The following PCDHA11 variants were observed in gnomAD, a reference collection of about 807,000 sequenced individuals.
PCDHA11 encodes the protein protocadherin alpha 11.
PCDHA11 carries 61 observed loss-of-function variants against 70.3 expected under a neutral mutation model. The ratio of observed to expected loss-of-function variants is 0.87; its 90% CI spans 0.71 to 1.07. The LOEUF is 1.07. Among genes scored for constraint, PCDHA11 ranks in the 50% least tolerant of loss-of-function variants. PCDHA11 has a pLI of 0.00. For missense variants in PCDHA11, 1,324 were observed against 1,237.5 expected (o/e 1.07, Z -1.05); for synonymous variants, 633 against 555.1 (o/e 1.14, Z -1.97).
At position 140,871,198 on chromosome 5, in the gene PCDHA11, C is replaced by A; in HGVS notation, c.2095C>A (p.Leu699Met). 6.2e-7 allele frequency: 1 copy of A among 1,613,730 alleles called. No individual in the cohort carries two copies. The highest frequency in any genetic ancestry group is 8.5e-7 in the Non-Finnish European group (1 of 1,179,946). The change falls in exon 1 of 4, where the codon CTG becomes ATG. Residue 699 changes from leucine (L) to methionine (M), a missense_variant. Coordinates refer to ENST00000398640, the MANE Select transcript of PCDHA11 (RefSeq NM_018902.5). ...TGCGCTGGTGGATGTCAACGTGTACCTGATCATCGCCATCTGCGTGGTGTC... is the reference window on the plus strand; with the variant it reads ...TGCGCTGGTGGATGTCAACGTGTACATGATCATCGCCATCTGCGTGGTGTC... ...EAALVDVNVY[L>M]IIAICVVSSL...
intron 3 of PCDHA11, among the ~76,000 whole-genome samples, chr5:140,988,691 G>A (rs1205492528): frequency 6.6e-6 from 1 of 152,114 alleles, no homozygotes; most frequent in African/African-American, 2.4e-5. Context: ...TTCCCTAGAC[G>A]CTCTGTATTT....
rs139314570 is a variant in PCDHA11, at chr5:140,952,780, A to G, written c.2392-26169A>G. 2.0e-3 allele frequency among the ~76,000 whole-genome samples: 310 copies of G among 152,316 alleles called. 3 individuals are homozygous for G. The highest frequency in any genetic ancestry group is 7.3e-3 in the African/African-American group (302 of 41,572). On this transcript the variant is annotated intron_variant, in intron 1 of 3. Transcript: ENST00000398640. ...CTGAGACTGGATAATTTAGAAAGAA[A>G]AGAGGTTTAACTGGCTCGCAGTTCT... is the stretch of plus-strand genomic sequence containing the variant.
intron 1 of PCDHA11, among the ~76,000 whole-genome samples, chr5:140,917,726 G>A (rs1192405804): frequency 6.6e-6 from 1 of 152,114 alleles, no homozygotes; most frequent in Admixed American, 6.6e-5. Flanking sequence ...TTATTTCTGG[G>A]TTCTCTAACC....
chr5:140,942,944 T>C (rs368380576), intron 1 of PCDHA11, among the ~76,000 whole-genome samples: 1 of 151,862 alleles, frequency 6.6e-6, no homozygotes, highest in African/African-American at 2.4e-5. Context: ...GTTTAAAGTG[T>C]AGACGTTCTG....
chr5:140,883,090 T>A (rs550322124), intron 1 of PCDHA11: 1 of 1,614,020 alleles, frequency 6.2e-7, no homozygotes, highest in East Asian at 2.2e-5. Flanking sequence ...ATGGTACAAA[T>A]GGAGATATAG....
intron 1 of PCDHA11, among the ~76,000 whole-genome samples, chr5:140,948,132 C>G (rs1397250622): frequency 1.3e-5 from 2 of 151,526 alleles, no homozygotes; most frequent in African/African-American, 4.8e-5. Context: ...TTGGATTACA[C>G]TAATTGATTT....
intron 1 of PCDHA11, among the ~76,000 whole-genome samples, chr5:140,874,110 C>T (rs115562650): frequency 0.024 from 3,605 of 152,160 alleles, 51 homozygotes; most frequent in Middle Eastern, 0.034. Flanking sequence ...AATTACTTAA[C>T]GTTTTATAGT....
intron 1 of PCDHA11, chr5:140,883,720 A>C: frequency 6.2e-7 from 1 of 1,613,566 alleles, no homozygotes; most frequent in Non-Finnish European, 8.5e-7. Context: ...ACGCGGACGC[A>C]CAGGAGAACG....
In PCDHA11 at chr5:140,936,292, T is replaced by C. The variant is rs74627153; in HGVS notation, c.2392-42657T>C. Among the ~76,000 whole-genome samples the C allele has an allele frequency of 4.3e-3, 649 of 152,348 alleles. 6 individuals are homozygous for C. Among genetic ancestry groups the C allele is most frequent in the African/African-American group, 0.013 (538 of 41,592 alleles). On this transcript the variant is annotated intron_variant, in intron 1 of 3. Transcript: ENST00000398640. Reference sequence around the variant, plus strand: ...TATTCCTGTGTTTTCTTCTATAACATTGCTATCCAATAGAACTTTCTGACA... The same window carrying C: ...TATTCCTGTGTTTTCTTCTATAACACTGCTATCCAATAGAACTTTCTGACA...
chr5:141,010,225 C>T lies in PCDHA11; in HGVS notation c.*288C>T. The T allele has an allele frequency of 6.4e-7, 1 of 1,551,848 alleles. No homozygotes were observed. The highest frequency in any genetic ancestry group is 8.7e-7 in the Non-Finnish European group (1 of 1,147,026). The stretch of plus-strand genomic sequence containing the variant: ...CCGCCGCAAAGGAGAGGCTTCCCAG[C>T]CCCGCCAGTGAGAGGTTGGACTCTC... On this transcript the variant is annotated 3_prime_UTR_variant, in exon 4 of 4. Coordinates refer to ENST00000398640, the MANE Select transcript of PCDHA11 (RefSeq NM_018902.5).
intron 1 of PCDHA11, among the ~76,000 whole-genome samples, chr5:140,975,810 A>T (rs1310331964): frequency 7.4e-6 from 1 of 134,690 alleles, no homozygotes; most frequent in African/African-American, 2.5e-5. Context: ...TTATAATTTT[A>T]ATAGGAACTG....
chr5:140,992,393 A>C (rs2097508684), intron 3 of PCDHA11, among the ~76,000 whole-genome samples: 1 of 152,180 alleles, frequency 6.6e-6, no homozygotes, highest in South Asian at 2.1e-4. Context: ...TTCTGGACTT[A>C]GAGATATTGT....
chr5:140,952,010 C>A (rs1188540877), intron 1 of PCDHA11, among the ~76,000 whole-genome samples: 2 of 152,128 alleles, frequency 1.3e-5, no homozygotes, highest in Non-Finnish European at 2.9e-5. Flanking sequence ...GAATTATAGG[C>A]CCCATGCAAG....
intron 2 of PCDHA11, among the ~76,000 whole-genome samples, chr5:140,981,118 G>A (rs1205022984): frequency 6.6e-6 from 1 of 152,196 alleles, no homozygotes; most frequent in Admixed American, 6.5e-5. Flanking sequence ...TACTGGATAT[G>A]TTGTTTGAAG....
rs138821024 is a variant in PCDHA11, at chr5:140,968,111, C to T, written c.2392-10838C>T. ...AGCCACAGATGGGGGAATACCGCAG[C>T]TCACATCCCTGCGTACACTGAAGGT... On this transcript the variant is annotated intron_variant, in intron 1 of 3. Transcript: ENST00000398640. 533 of 1,614,062 alleles carry T rather than the reference C, an allele frequency of 3.3e-4. 1 individual carries two copies. The highest frequency in any genetic ancestry group is 4.1e-4 in the Non-Finnish European group (489 of 1,180,052).
chr5:140,982,559 A>G lies in PCDHA11; in HGVS notation c.2535A>G (p.Thr845=). 1 of 1,614,170 alleles carries G rather than the reference A, an allele frequency of 6.2e-7. No homozygotes were observed. The highest frequency in any genetic ancestry group is 8.5e-7 in the Non-Finnish European group (1 of 1,180,012). Residue 845 remains threonine, a synonymous_variant, in exon 3 of 4, where the codon ACA becomes ACG. Coordinates refer to ENST00000398640, the MANE Select transcript of PCDHA11 (RefSeq NM_018902.5). The part of the protein sequence containing the change: ...DQQWPTVSSA[T]PEPEAGEVSP... ...AGTGGCCAACAGTATCCAGTGCAAC[A>G]CCAGGTAAAGAGCTGGGGTCTCTCC... is the stretch of plus-strand genomic sequence containing the variant.
chr5:141,006,338 A>G (rs1201287903), intron 3 of PCDHA11, among the ~76,000 whole-genome samples: 13 of 151,820 alleles, frequency 8.6e-5, no homozygotes, highest in African/African-American at 3.1e-4. Flanking sequence ...CAGCCTCCTG[A>G]GTAGCTGGGA....
chr5:140,966,691 G>A, intron 1 of PCDHA11: 3 of 1,349,440 alleles, frequency 2.2e-6, no homozygotes, highest in Non-Finnish European at 1.9e-6. Context: ...GCGGAGGCGG[G>A]GCCCGGGCGT....
At chr5:140,933,253 A>G (rs958671776) in intron 1 of PCDHA11, among the ~76,000 whole-genome samples, 2 of 152,008 alleles carry the variant, frequency 1.3e-5, no homozygotes, top group Non-Finnish European at 2.9e-5. Context: ...TATAAACACA[A>G]AAGGTTATTA....
Sources: gnomAD v4.1 joint callset for allele counts (sites outside exome capture counted in the v4.1 genomes callset) on GRCh38, gnomAD v4.1.1 for gene constraint, MANE v1.5 for transcripts, NCBI Gene and HGNC (gene_info 2026-07-23, HGNC 2026-07-21) for gene names.